CORO2B: variants seen among roughly 807,000 people sequenced by gnomAD.
The protein encoded by CORO2B is coronin 2B, also known as coronin-2B.
A neutral mutation model predicts 58.8 loss-of-function variants in CORO2B; 26 were observed. The observed-to-expected ratio is 0.44, with a 90% CI of 0.32 to 0.61. The LOEUF (loss-of-function observed/expected upper bound fraction) is 0.61. CORO2B is among the 20% of genes least tolerant of loss of function. The probability of loss-of-function intolerance (pLI) is 0.04; values close to 1 mark genes in which losing one functional copy is unlikely to be tolerated. For missense variants in CORO2B, 460 were observed against 645.1 expected (o/e 0.71, Z 3.11); for synonymous variants, 242 against 253.8 (o/e 0.95, Z 0.44).
At chr15:68,646,534 G>A (rs996028740) in intron 2 of CORO2B, among the ~76,000 whole-genome samples, 4 of 152,212 alleles carry the variant, frequency 2.6e-5, no homozygotes, top group African/African-American at 9.6e-5. Flanking sequence ...TCCATCAGAG[G>A]GGCAGCTGCA....
chr15:68,699,635 C>G (rs1892593557), intron 3 of CORO2B, among the ~76,000 whole-genome samples: 1 of 152,186 alleles, frequency 6.6e-6, no homozygotes, highest in Non-Finnish European at 1.5e-5. Context: ...CCGCATCTTA[C>G]CCGGGTGTCC....
chr15:68,563,736 T>C, the CORO2B span, among the ~76,000 whole-genome samples: 227 of 152,046 alleles, frequency 1.5e-3, 3 homozygotes, highest in African/African-American at 5.1e-3. Context: ...AGAAAAAAGA[T>C]TATAAATGAA....
Position 68,645,112 on chromosome 15 carries a change from C to A in CORO2B, c.16-48C>A, listed in dbSNP as rs1376931813. 5 of 1,588,276 alleles carry A rather than the reference C, an allele frequency of 3.1e-6. No homozygotes were observed. The highest frequency in any genetic ancestry group is 1.7e-5 in the Admixed American group (1 of 57,744). ...CCCCAAGAGCCCAGCCGAGGCCCTT[C>A]ATGGCACAGGGCCCAGCCTGACCCT... On this transcript the variant is annotated intron_variant, in intron 1 of 11. Coordinates refer to ENST00000261861, the MANE Select transcript of CORO2B (RefSeq NM_006091.5). The surrounding 1 kb of genome is among the most constrained non-coding windows in gnomAD (Gnocchi z 4.5).
intron 2 of CORO2B, among the ~76,000 whole-genome samples, chr15:68,648,918 T>C (rs1330418012): frequency 6.6e-6 from 1 of 152,228 alleles, no homozygotes; most frequent in Non-Finnish European, 1.5e-5. Context: ...GAATTCATCC[T>C]ACAGAAATAT....
At chr15:68,631,514 C>G (rs1023404020) in intron 1 of CORO2B, among the ~76,000 whole-genome samples, 8 of 152,278 alleles carry the variant, frequency 5.3e-5, no homozygotes, top group African/African-American at 1.9e-4. Flanking sequence ...CTGTTTGGCC[C>G]ACTTTGGAAC....
intron 3 of CORO2B, among the ~76,000 whole-genome samples, chr15:68,705,875 C>G (rs866556268): frequency 2.8e-4 from 43 of 152,248 alleles, no homozygotes; most frequent in African/African-American, 1.0e-3. Flanking sequence ...GGATGAGGAG[C>G]CTGAGCCTCA....
rs148024654 is a variant in CORO2B, at chr15:68,727,761, G to T, written c.*1787G>T. On this transcript the variant is annotated 3_prime_UTR_variant, in exon 12 of 12. Transcript: ENST00000261861. ...GTGGTCTTCTGTGATTATTTATGCT[G>T]CCTCCCAAGGATAGAATTGAAATAA... 2.0e-5 allele frequency: 3 copies of T among 151,820 alleles called. No homozygotes were observed. Among genetic ancestry groups the T allele is most frequent in the African/African-American group, 7.3e-5 (3 of 41,208 alleles). The allele number at this position is 151,820 out of a possible 1,614,324, so 9.4% of individuals were successfully genotyped here. A position where few individuals can be genotyped will look rare whatever the true frequency, so the allele number is the denominator to read the frequency against.
intron 3 of CORO2B, among the ~76,000 whole-genome samples, chr15:68,699,627 G>A (rs530529830): frequency 5.9e-5 from 9 of 152,260 alleles, no homozygotes; most frequent in Admixed American, 3.9e-4. Context: ...GCCCTGAACC[G>A]CATCTTACCC....
At chr15:68,591,006 C>T (rs1401928558) in intron 1 of CORO2B, among the ~76,000 whole-genome samples, 1 of 152,140 alleles carries the variant, frequency 6.6e-6, no homozygotes, top group Non-Finnish European at 1.5e-5. Flanking sequence ...TGTGCCAGGC[C>T]CTAAGCGGCA....
At chr15:68,662,441 T>C (rs1322560758) in intron 2 of CORO2B, among the ~76,000 whole-genome samples, 2 of 152,378 alleles carry the variant, frequency 1.3e-5, no homozygotes, top group African/African-American at 2.4e-5. Context: ...TTTTTTACAA[T>C]AGTCCTTAAG....
At chr15:68,605,904 T>C (rs1473050836) in intron 1 of CORO2B, among the ~76,000 whole-genome samples, 1 of 152,030 alleles carries the variant, frequency 6.6e-6, no homozygotes, top group African/African-American at 2.4e-5. Flanking sequence ...TTTGTATTTT[T>C]AGTAGAGACG....
At chr15:68,534,056 T>C in the CORO2B span, among the ~76,000 whole-genome samples, 8 of 152,314 alleles carry the variant, frequency 5.3e-5, no homozygotes, top group African/African-American at 1.9e-4. Context: ...TCTCCATGCA[T>C]GCTGATACTC....
intron 2 of CORO2B, among the ~76,000 whole-genome samples, chr15:68,676,919 G>A (rs1239376279): frequency 2.6e-5 from 4 of 152,054 alleles, no homozygotes; most frequent in Admixed American, 2.6e-4. Flanking sequence ...CCAGAGGTGT[G>A]CACCACCATG....
intron 1 of CORO2B, among the ~76,000 whole-genome samples, chr15:68,627,171 A>G (rs1900705930): frequency 6.6e-6 from 1 of 152,234 alleles, no homozygotes; most frequent in Non-Finnish European, 1.5e-5. Context: ...TATTACTTAT[A>G]AAATTTCATT....
At chr15:68,679,967 C>T (rs1044760750) in intron 2 of CORO2B, among the ~76,000 whole-genome samples, 29 of 152,198 alleles carry the variant, frequency 1.9e-4, no homozygotes, top group African/African-American at 6.3e-4. Context: ...CTGCCCTGCC[C>T]ACAGATTCCA....
At chr15:68,626,381 G>T (rs1187121861) in intron 1 of CORO2B, among the ~76,000 whole-genome samples, 1 of 152,176 alleles carries the variant, frequency 6.6e-6, no homozygotes, top group African/African-American at 2.4e-5. Context: ...AAAAATGTTG[G>T]CAACTAATTT....
At chr15:68,566,787 A>G in the CORO2B span, among the ~76,000 whole-genome samples, 6 of 152,188 alleles carry the variant, frequency 3.9e-5, no homozygotes, top group South Asian at 6.2e-4. Flanking sequence ...AGCATGAGAC[A>G]GGGTTATGGA....
chr15:68,597,223 C>T (rs1311576347), intron 1 of CORO2B, among the ~76,000 whole-genome samples: 2 of 152,148 alleles, frequency 1.3e-5, no homozygotes, highest in African/African-American at 4.8e-5. Context: ...GCTGGCACAT[C>T]TTTTCCAGGC....
chr15:68,523,044 A>G, the CORO2B span, among the ~76,000 whole-genome samples: 1 of 152,096 alleles, frequency 6.6e-6, no homozygotes, highest in Non-Finnish European at 1.5e-5. Flanking sequence ...GGCTGAACTG[A>G]CTTGAAGTTG....
Sources: gnomAD v4.1 joint callset for allele counts (sites outside exome capture counted in the v4.1 genomes callset) on GRCh38, gnomAD v4.1.1 for gene constraint, Gnocchi (gnomAD v3.1) non-coding constraint, MANE v1.5 for transcripts, NCBI Gene and HGNC (gene_info 2026-07-23, HGNC 2026-07-21) for gene names.